TRIO: variants seen among roughly 807,000 people sequenced by gnomAD.
The protein encoded by TRIO is triple functional domain protein.
Under a neutral mutation model 351.9 loss-of-function variants are expected in TRIO, and 58 were observed. That is an observed-to-expected ratio of 0.16 (90% CI 0.13 to 0.21). TRIO has a LOEUF of 0.21. Among genes scored for constraint, TRIO ranks in the 10% least tolerant of loss-of-function variants. The pLI is 1.00. For missense variants in TRIO, 3,201 were observed against 4,027.8 expected, an observed-to-expected ratio of 0.79 and a Z score of 5.56; for synonymous variants, 1,758 against 1,595.7, an observed-to-expected ratio of 1.10 and a Z score of -2.42.
At position 14,290,898 on chromosome 5, in the gene TRIO, A is replaced by C; in HGVS notation, c.723A>C (p.Leu241=). 4 of 1,614,176 alleles carry C rather than the reference A, an allele frequency of 2.5e-6. No homozygotes were observed. Among genetic ancestry groups the C allele is most frequent in the Non-Finnish European group, 3.4e-6 (4 of 1,180,024 alleles). Residue 241 remains leucine (L), a synonymous_variant, in exon 5 of 57, where the codon CTA becomes CTC. Transcript: ENST00000344204. ...LSRLEELQDI[L]AKKELPQDLE... ...GGCTGGAGGAACTTCAGGACATCCT[A>C]GCTAAGAAGGAGCTGCCTCAGGATT... is the stretch of plus-strand genomic sequence containing the variant.
At chr5:14,352,093 T>C (rs1743187227) in intron 11 of TRIO, among the ~76,000 whole-genome samples, 1 of 152,184 alleles carries the variant, frequency 6.6e-6, no homozygotes, top group Non-Finnish European at 1.5e-5. Flanking sequence ...ACCACAGAAC[T>C]CCATGTCCCT....
At chr5:14,148,294 A>G (rs1787631482) in intron 1 of TRIO, among the ~76,000 whole-genome samples, 1 of 152,208 alleles carries the variant, frequency 6.6e-6, no homozygotes, top group African/African-American at 2.4e-5. Context: ...GACCTTTTAA[A>G]TGTTACGATA....
chr5:14,319,603 G>A (rs1739687009), intron 9 of TRIO, among the ~76,000 whole-genome samples: 1 of 152,232 alleles, frequency 6.6e-6, no homozygotes, highest in Non-Finnish European at 1.5e-5. Context: ...AGACACGACA[G>A]TGGTTTTCAT....
intron 46 of TRIO, among the ~76,000 whole-genome samples, chr5:14,483,657 C>T (rs1021138922): frequency 1.3e-5 from 2 of 152,182 alleles, no homozygotes; most frequent in African/African-American, 4.8e-5. Flanking sequence ...GGCTGGGGGC[C>T]TCTGCCCACC....
intron 1 of TRIO, among the ~76,000 whole-genome samples, chr5:14,226,386 C>A (rs759949992): frequency 7.2e-5 from 11 of 152,124 alleles, no homozygotes; most frequent in African/African-American, 2.7e-4. Flanking sequence ...AGGTTGAAAA[C>A]CAGGGTGTTG....
At chr5:14,179,888 T>C (rs957564684) in intron 1 of TRIO, among the ~76,000 whole-genome samples, 10 of 151,938 alleles carry the variant, frequency 6.6e-5, no homozygotes, top group Admixed American at 5.2e-4. Flanking sequence ...GGTTGGGAGT[T>C]TGAGACCAGC....
chr5:14,237,439 G>C (rs1247147804), intron 1 of TRIO, among the ~76,000 whole-genome samples: 1 of 152,158 alleles, frequency 6.6e-6, no homozygotes, highest in Non-Finnish European at 1.5e-5. Context: ...TCGTGTGATG[G>C]GGCCCGTAAG....
At chr5:14,482,365 G>C (rs993965043) in intron 45 of TRIO, 1 of 346,282 alleles carries the variant, frequency 2.9e-6, no homozygotes, top group Non-Finnish European at 5.1e-6. Context: ...TAATTGAGGC[G>C]CCAGAGGTCT....
At chr5:14,485,743 T>C (rs1755869335) in intron 47 of TRIO, among the ~76,000 whole-genome samples, 1 of 152,074 alleles carries the variant, frequency 6.6e-6, no homozygotes, top group Admixed American at 6.6e-5. Context: ...CCCAGCACTT[T>C]GGGAGGCCAA....
At chr5:14,199,778 A>G (rs1207697365) in intron 1 of TRIO, among the ~76,000 whole-genome samples, 3 of 152,284 alleles carry the variant, frequency 2.0e-5, no homozygotes, top group South Asian at 2.1e-4. Flanking sequence ...TCCAGGTGGC[A>G]TCTTGAGATT....
At chr5:14,364,104 G>C (rs1427280048) in intron 14 of TRIO, among the ~76,000 whole-genome samples, 177 bp downstream of exon 14, 2 of 152,132 alleles carry the variant, frequency 1.3e-5, no homozygotes, top group African/African-American at 2.4e-5. Flanking sequence ...ATTTAACATG[G>C]TTAGAGTACT....
Position 14,492,800 on chromosome 5 carries a change from G to A in TRIO, c.7866G>A (p.Pro2622=), listed in dbSNP as rs769630392. The A allele has an allele frequency of 4.2e-5, 67 of 1,613,686 alleles. No homozygotes were observed. The highest frequency in any genetic ancestry group is 1.7e-4 in the African/African-American group (13 of 74,936). ...GHTSAVIVEN[P]DGTLKKSTSW... ...CCAGTGCAGTCATCGTGGAGAACCC[G>A]GACGGGACTCTCAAGTGAGTGCTTG... The change falls in exon 49 of 57, where the codon CCG becomes CCA. Residue 2622 remains proline, a synonymous_variant. Transcript: ENST00000344204.
intron 9 of TRIO, among the ~76,000 whole-genome samples, chr5:14,320,596 T>C (rs567968536): frequency 1.3e-5 from 2 of 152,288 alleles, no homozygotes; most frequent in East Asian, 3.9e-4. Context: ...TTAATTAATA[T>C]TCTTTAAAAA....
At chr5:14,346,694 A>G (rs756741267) in intron 11 of TRIO, among the ~76,000 whole-genome samples, 1 of 152,248 alleles carries the variant, frequency 6.6e-6, no homozygotes. Context: ...GAGGAAGGAC[A>G]TGTGGTGGAA....
chr5:14,334,673 T>G (rs1741227899), intron 10 of TRIO, among the ~76,000 whole-genome samples: 1 of 152,206 alleles, frequency 6.6e-6, no homozygotes, highest in Non-Finnish European at 1.5e-5. Flanking sequence ...CACCGTTAGC[T>G]TCATTCAGCA....
chr5:14,188,895 T>G (rs1046970463), intron 1 of TRIO, among the ~76,000 whole-genome samples: 1 of 152,236 alleles, frequency 6.6e-6, no homozygotes, highest in African/African-American at 2.4e-5. Context: ...TACTAGCATA[T>G]GAATACTTTC....
intron 18 of TRIO, among the ~76,000 whole-genome samples, chr5:14,370,687 G>A (rs1229523260): frequency 2.0e-5 from 3 of 151,992 alleles, no homozygotes; most frequent in Admixed American, 6.6e-5. Context: ...GCAAGCTCCC[G>A]GGGTGAAAAA....
chr5:14,176,810 GCTTA>G (rs1789433770), intron 1 of TRIO, among the ~76,000 whole-genome samples: 1 of 151,904 alleles, frequency 6.6e-6, no homozygotes, highest in African/African-American at 2.4e-5. Flanking sequence ...AACATTTTTT[GCTTA>G]CTGTTAAGTA....
At chr5:14,480,401 T>G (rs576631792) in intron 43 of TRIO, among the ~76,000 whole-genome samples, 1 of 152,258 alleles carries the variant, frequency 6.6e-6, no homozygotes, top group African/African-American at 2.4e-5. Context: ...GTGAATTTTT[T>G]TTCCCCCACC....
Sources: allele counts gnomAD v4.1 joint callset (sites outside exome capture counted in the v4.1 genomes callset), GRCh38; gene constraint gnomAD v4.1.1; transcripts MANE v1.5; gene names NCBI Gene and HGNC (gene_info 2026-07-23, HGNC 2026-07-21).